The following CDK14 variants were observed in gnomAD, a reference collection of about 807,000 sequenced individuals.
CDK14 encodes the protein cyclin dependent kinase 14.
CDK14 carries 34 observed loss-of-function variants against 60.7 expected under a neutral mutation model. That is an observed-to-expected ratio of 0.56 (90% CI 0.43 to 0.75). The LOEUF is 0.75. Among genes scored for constraint, CDK14 ranks in the 30% least tolerant of loss-of-function variants. The pLI is 0.00. For missense variants in CDK14, 482 were observed against 564.1 expected (o/e 0.85, Z 1.47); for synonymous variants, 197 against 203.7 (o/e 0.97, Z 0.28).
At chr7:90,787,012 C>T (rs902043575) in intron 4 of CDK14, among the ~76,000 whole-genome samples, 1 of 151,652 alleles carries the variant, frequency 6.6e-6, no homozygotes, top group African/African-American at 2.4e-5. Context: ...TTTTCCACAG[C>T]TGTCTTTTCT....
At chr7:91,114,915 T>C (rs1799563120) in intron 13 of CDK14, among the ~76,000 whole-genome samples, 1 of 152,190 alleles carries the variant, frequency 6.6e-6, no homozygotes, top group South Asian at 2.1e-4. Context: ...GTGAAATGAC[T>C]GGTTTGGGTG....
chr7:90,790,055 G>A (rs1805761780), intron 4 of CDK14, among the ~76,000 whole-genome samples: 2 of 149,194 alleles, frequency 1.3e-5, no homozygotes. Flanking sequence ...AATTTTAGGA[G>A]GTTGTAGTAA....
intron 7 of CDK14, among the ~76,000 whole-genome samples, chr7:90,914,469 A>G (rs1793008508): frequency 6.6e-6 from 1 of 152,140 alleles, no homozygotes; most frequent in South Asian, 2.1e-4. Context: ...CTTATATCTT[A>G]TTCCTCTTGG....
chr7:91,136,152 A>G (rs960836291), intron 14 of CDK14, among the ~76,000 whole-genome samples: 1 of 152,190 alleles, frequency 6.6e-6, no homozygotes, highest in Non-Finnish European at 1.5e-5. Flanking sequence ...AAGTTGTCTT[A>G]GCACCCGACC....
At chr7:90,730,215 A>G (rs955070090) in intron 3 of CDK14, among the ~76,000 whole-genome samples, 2 of 152,110 alleles carry the variant, frequency 1.3e-5, no homozygotes, top group African/African-American at 4.8e-5. Context: ...ATAGTATTCC[A>G]TGGTGTATAT....
intron 4 of CDK14, among the ~76,000 whole-genome samples, chr7:90,769,499 T>C (rs1465510822): frequency 4.0e-5 from 6 of 148,852 alleles, no homozygotes; most frequent in African/African-American, 2.5e-5. Flanking sequence ...TGAGCCCTCA[T>C]TCTGTCACGC....
At chr7:90,958,080 A>G (rs1794486644) in intron 9 of CDK14, among the ~76,000 whole-genome samples, 1 of 152,136 alleles carries the variant, frequency 6.6e-6, no homozygotes, top group Non-Finnish European at 1.5e-5. Flanking sequence ...TACTTACTTC[A>G]GTGCTCTACC....
At chr7:90,651,932 G>C (rs1194552440) in intron 2 of CDK14, among the ~76,000 whole-genome samples, 2 of 152,044 alleles carry the variant, frequency 1.3e-5, no homozygotes, top group African/African-American at 4.8e-5. Context: ...CCAATACAAA[G>C]GAGCATACAC....
At chr7:91,009,583 C>G (rs987430520) in intron 10 of CDK14, among the ~76,000 whole-genome samples, 4 of 152,122 alleles carry the variant, frequency 2.6e-5, no homozygotes, top group Non-Finnish European at 5.9e-5. Context: ...TTGCATTTCT[C>G]TAATGATTAA....
intron 6 of CDK14, among the ~76,000 whole-genome samples, chr7:90,874,562 C>A (rs942477883): frequency 1.7e-5 from 2 of 115,626 alleles, no homozygotes; most frequent in Non-Finnish European, 3.3e-5. Context: ...CGCTCTGTCG[C>A]CCAGGCCGGA....
chr7:90,727,024 A>G (rs1334251444), intron 3 of CDK14, among the ~76,000 whole-genome samples: 1 of 152,178 alleles, frequency 6.6e-6, no homozygotes, highest in Admixed American at 6.6e-5. Context: ...AAATGATTCA[A>G]CTTATTTTTG....
intron 14 of CDK14, among the ~76,000 whole-genome samples, chr7:91,131,189 C>T (rs186374386): frequency 1.3e-4 from 20 of 151,850 alleles, no homozygotes; most frequent in Non-Finnish European, 2.4e-4. Context: ...TGTCCTTAAC[C>T]CACCTTCTCC....
At chr7:91,160,711 C>A (rs1171639080) in intron 14 of CDK14, among the ~76,000 whole-genome samples, 1 of 151,734 alleles carries the variant, frequency 6.6e-6, no homozygotes. Context: ...TACTATATTC[C>A]ATGCTTGCTA....
intron 14 of CDK14, among the ~76,000 whole-genome samples, chr7:91,184,765 A>G (rs1374937605): frequency 6.6e-6 from 1 of 152,144 alleles, no homozygotes; most frequent in East Asian, 1.9e-4. Context: ...GCACGGAATC[A>G]AGGTTGAAAA....
chr7:91,017,850 T>C (rs10279587), intron 10 of CDK14, among the ~76,000 whole-genome samples: 3,848 of 152,298 alleles, frequency 0.025, 150 homozygotes, highest in African/African-American at 0.087. Context: ...AGGGTACAAA[T>C]GCTAGCCAGC....
At chr7:90,813,987 TTCAAGTGTCAACATTAG>T (rs1348332863) in intron 5 of CDK14, among the ~76,000 whole-genome samples, 1 of 152,182 alleles carries the variant, frequency 6.6e-6, no homozygotes, top group Non-Finnish European at 1.5e-5. Context: ...AAGAAGAAAA[TTCAAGTGTCAACATTAG>T]TGATTTAATA....
chr7:90,962,258 G>A (rs1794623531), intron 9 of CDK14, among the ~76,000 whole-genome samples: 2 of 152,046 alleles, frequency 1.3e-5, no homozygotes, highest in African/African-American at 2.4e-5. Flanking sequence ...AGGCCAAGGC[G>A]GGTGGATCAC....
chr7:90,824,815 A>G (rs777284751), intron 5 of CDK14: 5 of 152,218 alleles, frequency 3.3e-5, no homozygotes, highest in Non-Finnish European at 7.3e-5. Flanking sequence ...GGTGATGGTA[A>G]TAATAATATG....
At chr7:90,642,890 G>T (rs1370593102) in intron 2 of CDK14, among the ~76,000 whole-genome samples, 1 of 152,144 alleles carries the variant, frequency 6.6e-6, no homozygotes, top group Admixed American at 6.5e-5. Context: ...AGTGATGAAA[G>T]TTATTTATTA....
Sources: gnomAD v4.1 joint callset for allele counts (sites outside exome capture counted in the v4.1 genomes callset) on GRCh38, gnomAD v4.1.1 for gene constraint, MANE v1.5 for transcripts, NCBI Gene and HGNC (gene_info 2026-07-23, HGNC 2026-07-21) for gene names.